HACD3: variants seen among roughly 807,000 people sequenced by gnomAD.
HACD3 encodes the protein very-long-chain (3R)-3-hydroxyacyl-CoA dehydratase 3.
Under a neutral mutation model 55.2 loss-of-function variants are expected in HACD3, and 30 were observed. The observed-to-expected ratio is 0.54, with a 90% confidence interval of 0.41 to 0.74. The LOEUF is 0.74. Among genes scored for constraint, HACD3 ranks in the 30% least tolerant of loss-of-function variants. The pLI is 0.00. For missense variants in HACD3, 363 were observed against 440.1 expected, an observed-to-expected ratio of 0.82 and a Z score of 1.57; for synonymous variants, 141 against 151.7, an observed-to-expected ratio of 0.93 and a Z score of 0.52.
chr15:65,535,698 CTTTT>C (rs746107738), intron 1 of HACD3: 76 of 416,858 alleles, frequency 1.8e-4, no homozygotes, highest in South Asian at 1.1e-3. Flanking sequence ...TTGATGTTAA[CTTTT>C]TTTTTTTTTT....
intron 1 of HACD3, among the ~76,000 whole-genome samples, chr15:65,546,662 A>C (rs1270838153): frequency 6.6e-6 from 1 of 152,092 alleles, no homozygotes; most frequent in Non-Finnish European, 1.5e-5. Flanking sequence ...GCTGGTCCCA[A>C]ACTACTGGCA....
At chr15:65,554,665 C>T (rs970757780) in intron 2 of HACD3, among the ~76,000 whole-genome samples, 5 of 151,856 alleles carry the variant, frequency 3.3e-5, no homozygotes, top group South Asian at 2.1e-4. Context: ...GTCCCAGCTA[C>T]TCGGGAGGCT....
Position 65,554,939 on chromosome 15 carries a change from C to T in HACD3, c.183C>T (p.Phe61=). Residue 61 remains phenylalanine (F), a synonymous_variant, in exon 3 of 11, where the codon TTC becomes TTT. Coordinates refer to ENST00000261875, the MANE Select transcript of HACD3 (RefSeq NM_016395.4). ...ATGTCTATGAATTTCACCTGGAGTT[C>T]TTAGACCTTGTGAAACCAGAGGTAT... ...GDNVYEFHLE[F]LDLVKPEPVY... is the part of the protein sequence containing the mutation. 6.2e-7 allele frequency: 1 copy of T among 1,610,802 alleles called. No individual in the cohort carries two copies. Among genetic ancestry groups the T allele is most frequent in the Non-Finnish European group, 8.5e-7 (1 of 1,177,018 alleles).
intron 5 of HACD3, among the ~76,000 whole-genome samples, chr15:65,562,228 C>G (rs34644024): frequency 0.013 from 1,951 of 152,334 alleles, 10 homozygotes; most frequent in Non-Finnish European, 0.018. Context: ...TTCTCAGCCT[C>G]TCTGTGCAGT....
In HACD3 at chr15:65,578,217, A is replaced by G. The variant is rs920284282; in HGVS notation, c.*1838A>G. ...CAGCTGACTACGTGTAATTGGGCAG[A>G]TCAGCTTTGCAGTAGATTATGCTGC... On this transcript the variant is annotated 3_prime_UTR_variant, in exon 11 of 11. Transcript: ENST00000261875. The G allele has an allele frequency of 6.6e-6, 1 of 152,224 alleles. No homozygotes were observed. The highest frequency in any genetic ancestry group is 2.4e-5 in the African/African-American group (1 of 41,464). The allele number at this position is 152,224 out of a possible 1,614,324, so 9.4% of individuals were successfully genotyped here. A position where few individuals can be genotyped will look rare whatever the true frequency, so the allele number is the denominator to read the frequency against.
chr15:65,562,549 A>G (rs985180957), intron 5 of HACD3, among the ~76,000 whole-genome samples: 1 of 152,018 alleles, frequency 6.6e-6, no homozygotes, highest in Non-Finnish European at 1.5e-5. Context: ...CAAGGCTGGG[A>G]AAGGAAGTCC....
At position 65,576,638 on chromosome 15, in the gene HACD3, A is replaced by G. The variant is rs1301330249; in HGVS notation, c.*259A>G. On this transcript the variant is annotated 3_prime_UTR_variant, in exon 11 of 11. Transcript: ENST00000261875. Reference sequence around the variant, plus strand: ...ACACCAAAAGGCTCAGCCCACCCCAACCCTATCTCATGTTCAGTCTGTCTA... The same window carrying G: ...ACACCAAAAGGCTCAGCCCACCCCAGCCCTATCTCATGTTCAGTCTGTCTA... 1.0e-5 allele frequency: 5 copies of G among 488,426 alleles called. No homozygotes were observed. Among genetic ancestry groups the G allele is most frequent in the Non-Finnish European group, 1.4e-5 (4 of 276,080 alleles). The allele number at this position is 488,426 out of a possible 1,614,324, so 30.3% of individuals were successfully genotyped here.
In HACD3 at chr15:65,571,530, A is replaced by G; in HGVS notation, c.774-18A>G. On this transcript the variant is annotated intron_variant, in intron 8 of 10. Transcript: ENST00000261875. ...ACCTGAAGTGGCTTTTCACATTGGAATCATTTATTTTCAATAGGTACTCTT... is the reference window on the plus strand; with the variant it reads ...ACCTGAAGTGGCTTTTCACATTGGAGTCATTTATTTTCAATAGGTACTCTT... The G allele has an allele frequency of 1.3e-6, 2 of 1,586,230 alleles. No individual in the cohort carries two copies. The highest frequency in any genetic ancestry group is 1.7e-6 in the Non-Finnish European group (2 of 1,155,692).
chr15:65,533,509 T>C (rs559225080), intron 1 of HACD3, among the ~76,000 whole-genome samples: 15 of 152,330 alleles, frequency 9.8e-5, no homozygotes, highest in African/African-American at 3.6e-4. Context: ...TCTGTGCTTA[T>C]AACAAAATTG....
intron 1 of HACD3, among the ~76,000 whole-genome samples, chr15:65,548,859 C>T (rs2072103261): frequency 6.6e-6 from 1 of 152,174 alleles, no homozygotes; most frequent in African/African-American, 2.4e-5. Context: ...AGCTACCTTG[C>T]CCAGCCACTC....
At chr15:65,568,685 A>G (rs1349806217) in intron 7 of HACD3, among the ~76,000 whole-genome samples, 1 of 152,150 alleles carries the variant, frequency 6.6e-6, no homozygotes, top group Non-Finnish European at 1.5e-5. Flanking sequence ...CACAATTTTT[A>G]AAATGGGAAA....
intron 10 of HACD3, among the ~76,000 whole-genome samples, chr15:65,574,829 A>C (rs913988574): frequency 6.6e-6 from 1 of 152,256 alleles, no homozygotes; most frequent in African/African-American, 2.4e-5. Flanking sequence ...CAGAAAATGT[A>C]CTAATTAAAG....
chr15:65,532,246 A>G (rs1319586358), intron 1 of HACD3, among the ~76,000 whole-genome samples: 2 of 152,040 alleles, frequency 1.3e-5, no homozygotes, highest in Admixed American at 1.3e-4. Flanking sequence ...CGGTGGTTTA[A>G]TAGAATAGGA....
At chr15:65,540,468 A>G (rs1448438004) in intron 1 of HACD3, among the ~76,000 whole-genome samples, 3 of 152,226 alleles carry the variant, frequency 2.0e-5, no homozygotes, top group Non-Finnish European at 2.9e-5. Context: ...GCTTCCTTGA[A>G]GAGGTGATAT....
intron 10 of HACD3, among the ~76,000 whole-genome samples, chr15:65,572,886 C>G (rs149967045): frequency 6.8e-6 from 1 of 146,886 alleles, no homozygotes; most frequent in African/African-American, 2.5e-5. Context: ...TTGCACTCCA[C>G]CCTGGGCGAC....
In HACD3 at chr15:65,571,611, C is replaced by A. The variant is rs2072348742; in HGVS notation, c.837C>A (p.Tyr279Ter). ...MDWKVLTWLR[Y>*]TLWIPLYPLG... ...GGAAGGTGCTCACATGGCTTCGTTA[C>A]ACTCTGTGGATTCCCTTATATCCAC... The change falls in exon 9 of 11, where the codon TAC becomes TAA. Residue 279 changes from tyrosine (Y) to a stop codon, truncating the protein, a stop_gained. Transcript: ENST00000261875. LOFTEE classifies it high-confidence loss of function. The A allele has an allele frequency of 6.2e-7, 1 of 1,613,736 alleles. No individual in the cohort carries two copies. Among genetic ancestry groups the A allele is most frequent in the Non-Finnish European group, 8.5e-7 (1 of 1,179,770 alleles).
chr15:65,546,152 C>A (rs1342901584), intron 1 of HACD3, among the ~76,000 whole-genome samples: 1 of 152,194 alleles, frequency 6.6e-6, no homozygotes, highest in Non-Finnish European at 1.5e-5. Flanking sequence ...CCCCAGCCAA[C>A]ATCACATGGA....
At chr15:65,535,777 C>T (rs747243347) in intron 1 of HACD3, 20 of 656,082 alleles carry the variant, frequency 3.0e-5, no homozygotes, top group Non-Finnish European at 5.3e-5. Flanking sequence ...CTCACCGTAG[C>T]CTTGAACTCC....
chr15:65,537,042 T>G (rs1168095111), intron 1 of HACD3, among the ~76,000 whole-genome samples: 2 of 152,218 alleles, frequency 1.3e-5, no homozygotes, highest in Non-Finnish European at 2.9e-5. Context: ...CTGGATAGAA[T>G]ATAAATCAGC....
Sources: gnomAD v4.1 joint callset for allele counts (sites outside exome capture counted in the v4.1 genomes callset) on GRCh38, gnomAD v4.1.1 for gene constraint, MANE v1.5 for transcripts, NCBI Gene and HGNC (gene_info 2026-07-23, HGNC 2026-07-21) for gene names.